GRID2: variants seen among roughly 807,000 people sequenced by gnomAD.
GRID2 encodes the protein glutamate ionotropic receptor delta type subunit 2.
GRID2 carries 33 observed loss-of-function variants against 114.8 expected under a neutral mutation model. The ratio of observed to expected loss-of-function variants is 0.29; its 90% CI spans 0.22 to 0.38. The LOEUF is 0.38. GRID2 is among the 10% of genes least tolerant of loss of function. The pLI, the probability that GRID2 is intolerant of heterozygous loss-of-function variation, is 1.00. For synonymous variants in GRID2, 505 were observed against 449.9 expected (o/e 1.12, Z -1.55); for missense variants, 1,184 against 1,257.7 (o/e 0.94, Z 0.89).
At chr4:92,691,868 A>C (rs757565822) in intron 2 of GRID2, among the ~76,000 whole-genome samples, 20 of 151,818 alleles carry the variant, frequency 1.3e-4, no homozygotes, top group Middle Eastern at 3.2e-3. Flanking sequence ...TATAACCATT[A>C]TATTTTGAGG....
At chr4:93,080,450 G>T (rs150866403) in intron 2 of GRID2, among the ~76,000 whole-genome samples, 1 of 152,108 alleles carries the variant, frequency 6.6e-6, no homozygotes, top group Admixed American at 6.6e-5. Flanking sequence ...GTTACAATCC[G>T]CCAGGCTACT....
intron 2 of GRID2, among the ~76,000 whole-genome samples, chr4:92,675,131 G>A (rs1323099409): frequency 6.6e-6 from 1 of 152,052 alleles, no homozygotes; most frequent in Non-Finnish European, 1.5e-5. Context: ...TTTGAGGCTT[G>A]GCTTTTACTT....
intron 4 of GRID2, among the ~76,000 whole-genome samples, chr4:93,121,408 A>G (rs1047177826): frequency 1.3e-5 from 2 of 152,190 alleles, no homozygotes; most frequent in African/African-American, 4.8e-5. Context: ...GTATATAAAT[A>G]GAATCATACG....
intron 14 of GRID2, among the ~76,000 whole-genome samples, chr4:93,683,682 A>C (rs74379889): frequency 0.068 from 10,285 of 152,176 alleles, 411 homozygotes; most frequent in South Asian, 0.11. Flanking sequence ...GTTTTGTTAC[A>C]GTTCTCTTCA....
chr4:92,642,482 ATC>A (rs1016791557), intron 2 of GRID2, among the ~76,000 whole-genome samples: 2 of 151,682 alleles, frequency 1.3e-5, no homozygotes, highest in Non-Finnish European at 2.9e-5. Context: ...AAATGGAGTT[ATC>A]TGTTTTTTAC....
At chr4:93,723,157 T>C (rs1297219959) in intron 14 of GRID2, among the ~76,000 whole-genome samples, 6 of 152,220 alleles carry the variant, frequency 3.9e-5, no homozygotes, top group African/African-American at 1.4e-4. Flanking sequence ...TGTTTTTCCA[T>C]AGTGTTTTAT....
intron 3 of GRID2, among the ~76,000 whole-genome samples, chr4:93,092,867 CAT>C (rs1396191079): frequency 1.3e-5 from 2 of 151,876 alleles, no homozygotes; most frequent in East Asian, 1.9e-4. Context: ...CACACACACA[CAT>C]ATATATGTGT....
chr4:92,561,893 AGAT>A (rs1289119639), intron 1 of GRID2, among the ~76,000 whole-genome samples: 4 of 152,184 alleles, frequency 2.6e-5, no homozygotes, highest in African/African-American at 9.7e-5. Flanking sequence ...GCATGTCAGA[AGAT>A]CACGTGATTC....
intron 13 of GRID2, among the ~76,000 whole-genome samples, chr4:93,571,098 C>G (rs1165122610): frequency 4.6e-5 from 7 of 152,022 alleles, no homozygotes; most frequent in Non-Finnish European, 1.0e-4. Context: ...GAAGTTTAAA[C>G]TGAGCTCTGA....
chr4:93,284,788 A>G (rs1282336580), intron 8 of GRID2, among the ~76,000 whole-genome samples: 5 of 127,938 alleles, frequency 3.9e-5, no homozygotes, highest in African/African-American at 1.3e-4. Flanking sequence ...CAGTTAGAAT[A>G]ATAAAGAACA....
chr4:92,793,080 T>C (rs1302575752), intron 2 of GRID2, among the ~76,000 whole-genome samples: 1 of 151,758 alleles, frequency 6.6e-6, no homozygotes, highest in Admixed American at 6.6e-5. Context: ...AAGAAATTTG[T>C]TTCTGTGTTC....
chr4:92,670,375 A>AC (rs1732998927), intron 2 of GRID2, among the ~76,000 whole-genome samples: 1 of 151,948 alleles, frequency 6.6e-6, no homozygotes, highest in Admixed American at 6.6e-5. Context: ...GGCTTTGGGA[A>AC]CTTTTTTTTA....
At chr4:92,751,151 A>G (rs1737438025) in intron 2 of GRID2, among the ~76,000 whole-genome samples, 1 of 152,144 alleles carries the variant, frequency 6.6e-6, no homozygotes, top group South Asian at 2.1e-4. Context: ...TGCAGTAGAA[A>G]ATGTATTAAG....
At chr4:93,405,488 A>G (rs2149344216) in intron 9 of GRID2, among the ~76,000 whole-genome samples, 1 of 152,254 alleles carries the variant, frequency 6.6e-6, no homozygotes, top group South Asian at 2.1e-4. Flanking sequence ...TTCTTAGACT[A>G]ATCAATGAGT....
chr4:93,461,857 G>A (rs1204056543), intron 11 of GRID2, among the ~76,000 whole-genome samples: 1 of 152,150 alleles, frequency 6.6e-6, no homozygotes, highest in Non-Finnish European at 1.5e-5. Flanking sequence ...ATTCTTAAGT[G>A]AAACTGGATT....
At chr4:93,715,266 C>G (rs1025207989) in intron 14 of GRID2, among the ~76,000 whole-genome samples, 2 of 152,064 alleles carry the variant, frequency 1.3e-5, no homozygotes, top group African/African-American at 4.8e-5. Context: ...CCTCTGCATT[C>G]TCTATTTTGT....
chr4:92,546,957 C>T (rs1210292522), intron 1 of GRID2, among the ~76,000 whole-genome samples: 1 of 152,116 alleles, frequency 6.6e-6, no homozygotes, highest in African/African-American at 2.4e-5. Flanking sequence ...CAGGATTGTT[C>T]CTGGGTCTTT....
intron 14 of GRID2, among the ~76,000 whole-genome samples, chr4:93,761,345 T>C (rs35170307): frequency 0.013 from 2,003 of 152,318 alleles, 30 homozygotes; most frequent in South Asian, 0.029. Flanking sequence ...GAGAACTTAT[T>C]GGCTTATAGA....
chr4:92,446,147 ATGT>A (rs1733457887), intron 1 of GRID2, among the ~76,000 whole-genome samples: 2 of 152,052 alleles, frequency 1.3e-5, no homozygotes, highest in African/African-American at 4.8e-5. Context: ...GGGTTTCACT[ATGT>A]TGGCCAGGAT....
Sources: gnomAD v4.1 joint callset for allele counts (sites outside exome capture counted in the v4.1 genomes callset) on GRCh38, gnomAD v4.1.1 for gene constraint, MANE v1.5 for transcripts, NCBI Gene and HGNC (gene_info 2026-07-23, HGNC 2026-07-21) for gene names.